The following EXT1 variants were observed in gnomAD, a reference collection of about 807,000 sequenced individuals.
The protein encoded by EXT1 is exostosin glycosyltransferase 1, also known as exostosin-1.
Under a neutral mutation model 82.5 loss-of-function variants are expected in EXT1, and 20 were observed. The ratio of observed to expected loss-of-function variants is 0.24; its 90% CI spans 0.17 to 0.35. EXT1 has a LOEUF of 0.35. EXT1 is among the 10% of genes least tolerant of loss of function. The pLI, the probability that EXT1 is intolerant of heterozygous loss-of-function variation, is 1.00. For synonymous variants in EXT1, 348 were observed against 350.8 expected, an observed-to-expected ratio of 0.99 and a Z score of 0.09; for missense variants, 757 against 936.5, an observed-to-expected ratio of 0.81 and a Z score of 2.50.
chr8:117,878,365 T>C (rs1228947280), intron 1 of EXT1, among the ~76,000 whole-genome samples: 1 of 152,214 alleles, frequency 6.6e-6, no homozygotes. Flanking sequence ...ATCCTGAGTA[T>C]ACACTTCAGT....
intron 1 of EXT1, among the ~76,000 whole-genome samples, chr8:118,063,690 T>C (rs1167331676): frequency 6.6e-6 from 1 of 152,246 alleles, no homozygotes; most frequent in African/African-American, 2.4e-5. Context: ...CTACCATCCT[T>C]GCTTCGGTTT....
chr8:117,906,536 A>G (rs1193699134), intron 1 of EXT1, among the ~76,000 whole-genome samples: 1 of 152,222 alleles, frequency 6.6e-6, no homozygotes, highest in East Asian at 1.9e-4. Flanking sequence ...ATCCTCCAGT[A>G]TGACAGCTCT....
chr8:117,824,958 C>G (rs1263202219), intron 4 of EXT1, among the ~76,000 whole-genome samples: 2 of 152,094 alleles, frequency 1.3e-5, no homozygotes, highest in African/African-American at 4.8e-5. Flanking sequence ...CCTCAAACTC[C>G]TGGGCTCAAA....
At chr8:118,029,587 A>T (rs1475965764) in intron 1 of EXT1, among the ~76,000 whole-genome samples, 1 of 152,170 alleles carries the variant, frequency 6.6e-6, no homozygotes, top group Non-Finnish European at 1.5e-5. Context: ...CTTCTCCAAG[A>T]GTCAATTTCC....
chr8:118,053,193 G>A (rs372870179), intron 1 of EXT1, among the ~76,000 whole-genome samples: 3 of 152,142 alleles, frequency 2.0e-5, no homozygotes, highest in South Asian at 4.1e-4. Flanking sequence ...GCTATGACAC[G>A]AGGTCTCAAG....
At chr8:118,093,711 A>G (rs977280323) in intron 1 of EXT1, among the ~76,000 whole-genome samples, 1 of 152,366 alleles carries the variant, frequency 6.6e-6, no homozygotes, top group Non-Finnish European at 1.5e-5. Flanking sequence ...CTCCTGAGAA[A>G]AAGAATGAAA....
chr8:117,967,095 G>A (rs956520911), intron 1 of EXT1, among the ~76,000 whole-genome samples: 1 of 152,092 alleles, frequency 6.6e-6, no homozygotes, highest in South Asian at 2.1e-4. Flanking sequence ...TGGGAAATTC[G>A]GGCTACATCT....
rs1043103453 is a variant in EXT1, at chr8:118,025,533, C to T, written c.962+84552G>A. Among the ~76,000 whole-genome samples the T allele has an allele frequency of 3.9e-5, 6 of 152,228 alleles. No individual in the cohort carries two copies. In the South Asian group the frequency reaches 8.3e-4, roughly 21 times the overall value. Reference sequence around the variant, plus strand: ...GAAACTTTCTCCAAAGGGCTACTTTCGAAAGCTTTTATCATCTGGACTAAA... The same window carrying T: ...GAAACTTTCTCCAAAGGGCTACTTTTGAAAGCTTTTATCATCTGGACTAAA... On this transcript the variant is annotated intron_variant, in intron 1 of 10. Coordinates refer to ENST00000378204, the MANE Select transcript of EXT1 (RefSeq NM_000127.3).
At chr8:118,091,169 G>A (rs1453619961) in intron 1 of EXT1, among the ~76,000 whole-genome samples, 2 of 152,196 alleles carry the variant, frequency 1.3e-5, no homozygotes, top group Non-Finnish European at 2.9e-5. Context: ...ACCCGGCCAA[G>A]AACCGAGGCC....
chr8:117,861,528 T>C (rs1259306071), intron 1 of EXT1, among the ~76,000 whole-genome samples: 168 of 126,210 alleles, frequency 1.3e-3, no homozygotes, highest in South Asian at 2.0e-3. Context: ...AGAGTCTTGC[T>C]CTGTCACCCA....
chr8:118,002,215 T>C (rs1380545073), intron 1 of EXT1, among the ~76,000 whole-genome samples: 1 of 151,838 alleles, frequency 6.6e-6, no homozygotes, highest in Admixed American at 6.6e-5. Flanking sequence ...AAAAAACATA[T>C]ATTTAATATA....
chr8:117,877,974 T>G (rs903796165), intron 1 of EXT1, among the ~76,000 whole-genome samples: 3 of 152,188 alleles, frequency 2.0e-5, no homozygotes, highest in Non-Finnish European at 4.4e-5. Flanking sequence ...TCAATTTATT[T>G]AGAGAAATAA....
intron 1 of EXT1, among the ~76,000 whole-genome samples, chr8:118,037,740 C>T (rs1346872640): frequency 2.6e-5 from 4 of 151,822 alleles, no homozygotes; most frequent in African/African-American, 7.3e-5. Context: ...GATTAACTTG[C>T]TAAATATTTT....
intron 1 of EXT1, among the ~76,000 whole-genome samples, chr8:117,945,192 C>T (rs1025201234): frequency 3.9e-5 from 6 of 152,098 alleles, no homozygotes; most frequent in Admixed American, 3.9e-4. Flanking sequence ...AAGATCATCT[C>T]ACTTACAGTC....
intron 1 of EXT1, among the ~76,000 whole-genome samples, chr8:117,986,958 T>C (rs1815333938): frequency 6.6e-6 from 1 of 152,210 alleles, no homozygotes; most frequent in South Asian, 2.1e-4. Context: ...GTTTCAGAAA[T>C]GCAAATTTGA....
At chr8:117,976,438 A>T (rs1160482285) in intron 1 of EXT1, among the ~76,000 whole-genome samples, 1 of 152,266 alleles carries the variant, frequency 6.6e-6, no homozygotes, top group Non-Finnish European at 1.5e-5. Flanking sequence ...ACTGCTAGCA[A>T]GAGCAAAGAA....
chr8:117,873,447 CTTTTTTTTT>C (rs1184985472), intron 1 of EXT1, among the ~76,000 whole-genome samples: 6 of 99,706 alleles, frequency 6.0e-5, no homozygotes, highest in Non-Finnish European at 9.7e-5. Flanking sequence ...TGTCCTGTGA[CTTTTTTTTT>C]TTTTTTTTTT....
intron 1 of EXT1, among the ~76,000 whole-genome samples, chr8:117,939,451 C>A (rs1472061882): frequency 6.6e-6 from 1 of 151,750 alleles, no homozygotes; most frequent in Non-Finnish European, 1.5e-5. Flanking sequence ...CGCCTGTAAT[C>A]CCAGCCACTC....
At chr8:117,920,809 C>A (rs1219686335) in intron 1 of EXT1, among the ~76,000 whole-genome samples, 1 of 152,036 alleles carries the variant, frequency 6.6e-6, no homozygotes, top group Admixed American at 6.6e-5. Flanking sequence ...GTTGACCACC[C>A]CTGTGAAGAT....
Sources: allele counts gnomAD v4.1 joint callset (sites outside exome capture counted in the v4.1 genomes callset), GRCh38; gene constraint gnomAD v4.1.1; transcripts MANE v1.5; gene names NCBI Gene and HGNC (gene_info 2026-07-23, HGNC 2026-07-21).